Variants in ZNF106 observed in about 807,000 individuals in gnomAD.
The protein encoded by ZNF106 is zinc finger protein 106.
ZNF106 carries 67 observed loss-of-function variants against 195.1 expected under a neutral mutation model. That is an observed-to-expected ratio of 0.34 (90% CI 0.28 to 0.42). The LOEUF is 0.42. Ranked by LOEUF, ZNF106 falls within the 10% of genes least tolerant of loss-of-function variation. The probability of loss-of-function intolerance (pLI) is 1.00; values close to 1 mark genes in which losing one functional copy is unlikely to be tolerated. For missense variants in ZNF106, 2,118 were observed against 2,304.5 expected, an observed-to-expected ratio of 0.92 and a Z score of 1.66; for synonymous variants, 784 against 818.6, an observed-to-expected ratio of 0.96 and a Z score of 0.72.
In ZNF106 at chr15:42,457,550, C is replaced by T. The variant is rs973397638; in HGVS notation, c.117-392G>A. ...CTGCACTCAGAAGGCCTGGTGACAG[C>T]GCTTACATTTAATCTTTAGTCTAGA... On this transcript the variant is annotated intron_variant, in intron 3 of 21. Coordinates refer to ENST00000564754, the MANE Select transcript of ZNF106 (RefSeq NM_001366845.3). The T allele has an allele frequency of 1.7e-5, 18 of 1,050,908 alleles. No homozygotes were observed. The South Asian group carries it at 1.7e-4, about 10-fold the overall frequency. 65.1% of individuals were successfully genotyped at this position (1,050,908 alleles called of 1,614,324 possible). A position where few individuals can be genotyped will look rare whatever the true frequency, so the allele number is the denominator to read the frequency against.
chr15:42,456,910 G>A (rs1434139356), intron 4 of ZNF106, 48 bp downstream of exon 4: 1 of 1,510,808 alleles, frequency 6.6e-7, no homozygotes, highest in South Asian at 1.2e-5. Flanking sequence ...TATATTCTCT[G>A]CTGTGTTCTG....
intron 1 of ZNF106, among the ~76,000 whole-genome samples, chr15:42,477,958 A>T (rs2056819162): frequency 6.6e-6 from 1 of 152,026 alleles, no homozygotes; most frequent in African/African-American, 2.4e-5. Context: ...CAATTAACAA[A>T]CCAATATTGA....
chr15:42,490,143 T>C (rs2057114620), intron 1 of ZNF106, among the ~76,000 whole-genome samples: 1 of 151,974 alleles, frequency 6.6e-6, no homozygotes, highest in African/African-American at 2.4e-5. Flanking sequence ...GGCAGGAGAA[T>C]TGCTTGAATC....
At chr15:42,464,664 C>T (rs1192366382) in intron 3 of ZNF106, among the ~76,000 whole-genome samples, 1 of 151,478 alleles carries the variant, frequency 6.6e-6, no homozygotes, top group Non-Finnish European at 1.5e-5. Context: ...GTAGCTGGGA[C>T]TACAGGCACA....
chr15:42,445,507 T>C (rs2055740480), intron 7 of ZNF106, among the ~76,000 whole-genome samples: 1 of 152,240 alleles, frequency 6.6e-6, no homozygotes, highest in Non-Finnish European at 1.5e-5. Flanking sequence ...TCTGTGTATG[T>C]ATTTACCATC....
intron 17 of ZNF106, among the ~76,000 whole-genome samples, chr15:42,423,794 G>T (rs905864808): frequency 5.3e-5 from 8 of 152,144 alleles, no homozygotes; most frequent in African/African-American, 1.9e-4. Flanking sequence ...CTTACATAAA[G>T]CCTGTCTGTC....
chr15:42,456,825 G>A (rs16973261), intron 4 of ZNF106, 133 bp downstream of exon 4: 54,664 of 817,078 alleles, frequency 0.067, 6,506 homozygotes, highest in African/African-American at 0.39. Context: ...CCTTTGATTA[G>A]TAAGACAACA....
chr15:42,447,372 AAAATAAAT>A (rs891702679), intron 6 of ZNF106, among the ~76,000 whole-genome samples: 3 of 151,940 alleles, frequency 2.0e-5, no homozygotes, highest in Admixed American at 1.3e-4. Flanking sequence ...AAAATATTAT[AAAATAAAT>A]AAATAAATAA....
At chr15:42,468,861 T>C (rs995264172) in intron 2 of ZNF106, among the ~76,000 whole-genome samples, 1 of 152,000 alleles carries the variant, frequency 6.6e-6, no homozygotes, top group Non-Finnish European at 1.5e-5. Flanking sequence ...TAAGACAAGT[T>C]AGTGACAGAA....
rs200060472 is a variant in ZNF106, at chr15:42,451,131, G to T, written c.1141C>A (p.Leu381Met). The part of the protein sequence containing the change: ...RWTPYPSQKT[L>M]DLQSGLKDIT... The stretch of plus-strand genomic sequence containing the variant: ...TCTTTCAATCCCGACTGTAAATCCA[G>T]AGTCTTCTGAGAAGGGTAAGGCGTC... The change falls in exon 5 of 22, where the codon CTG becomes ATG. Residue 381 changes from leucine (L) to methionine (M), a missense_variant. Leu to Met is a conservative substitution (Grantham distance 15). Transcript: ENST00000564754. 4.3e-6 allele frequency: 7 copies of T among 1,614,180 alleles called. No individual in the cohort carries two copies. The highest frequency in any genetic ancestry group is 1.7e-5 in the Admixed American group (1 of 60,008).
intron 15 of ZNF106, chr15:42,425,884 C>T (rs763639843): frequency 1.3e-5 from 2 of 152,232 alleles, no homozygotes; most frequent in Non-Finnish European, 2.9e-5. Context: ...CTAATTATAT[C>T]AGAGTGGTAG....
chr15:42,439,515 G>A lies in ZNF106; in HGVS notation c.4062C>T (p.Asp1354=), dbSNP rs2055417959. Reference sequence around the variant, plus strand: ...TGGATTCTGCCTGTTGTTCAGGCTGGTCAGCTGGAGAGTGGGGTTCCTTCT... The same window carrying A: ...TGGATTCTGCCTGTTGTTCAGGCTGATCAGCTGGAGAGTGGGGTTCCTTCT... ...PLEKEPHSPA[D]QPEQQAESTL... Residue 1354 remains aspartate (D), a synonymous_variant, in exon 11 of 22, where the codon GAC becomes GAT. Transcript: ENST00000564754. The A allele has an allele frequency of 1.9e-6, 3 of 1,614,078 alleles. No individual in the cohort carries two copies. The highest frequency in any genetic ancestry group is 2.5e-6 in the Non-Finnish European group (3 of 1,180,056).
chr15:42,465,567 G>A (rs759808120), intron 3 of ZNF106, among the ~76,000 whole-genome samples: 10 of 152,176 alleles, frequency 6.6e-5, no homozygotes, highest in Non-Finnish European at 1.0e-4. Flanking sequence ...GTGAGCCACT[G>A]CACCTGGCCA....
intron 16 of ZNF106, chr15:42,424,606 C>A: frequency 2.2e-6 from 1 of 457,730 alleles, no homozygotes; most frequent in Non-Finnish European, 3.9e-6. Flanking sequence ...CCACCTCAGC[C>A]TCATAAGTAG....
intron 18 of ZNF106, 118 bp from the exon 19 acceptor site, chr15:42,422,106 C>A: frequency 1.4e-6 from 1 of 707,444 alleles, no homozygotes. Context: ...GTGGAAGCAC[C>A]AGTAGCATTC....
At chr15:42,446,092 T>TTGG (rs2055758629) in intron 7 of ZNF106, among the ~76,000 whole-genome samples, 1 of 152,178 alleles carries the variant, frequency 6.6e-6, no homozygotes, top group East Asian at 1.9e-4. Flanking sequence ...AGTGGTATAC[T>TTGG]AACCTTGGCT....
chr15:42,418,186 C>A (rs527409579), intron 20 of ZNF106, among the ~76,000 whole-genome samples: 2 of 152,130 alleles, frequency 1.3e-5, no homozygotes, highest in African/African-American at 4.8e-5. Context: ...ACAGCACTAA[C>A]GTAGCAATTA....
At position 42,479,281 on chromosome 15, in the gene ZNF106, G is replaced by A. The variant is rs992760962; in HGVS notation, c.-32-6960C>T. ...CCCAGCTATTTGGGAGGTTGAGGCAGGAGAATCGCTTGAACCCAGGAGGCA... is the reference window on the plus strand; with the variant it reads ...CCCAGCTATTTGGGAGGTTGAGGCAAGAGAATCGCTTGAACCCAGGAGGCA... On this transcript the variant is annotated intron_variant, in intron 1 of 21. Transcript: ENST00000564754. Among the ~76,000 whole-genome samples, 4 of 152,106 alleles carry A rather than the reference G, an allele frequency of 2.6e-5. No individual in the cohort carries two copies. In the East Asian group the frequency reaches 7.7e-4, roughly 29 times the overall value.
At position 42,421,903 on chromosome 15, in the gene ZNF106, CAAAT is replaced by C. The variant is rs570467222; in HGVS notation, c.5445+10_5445+13del. 288 of 1,528,608 alleles carry C rather than the reference CAAAT, an allele frequency of 1.9e-4. No individual in the cohort carries two copies. In the African/African-American group the frequency reaches 3.6e-3, roughly 19 times the overall value. 94.7% of individuals were successfully genotyped at this position (1,528,608 alleles called of 1,614,324 possible). On this transcript the variant is annotated intron_variant, in intron 19 of 21. Coordinates refer to ENST00000564754, the MANE Select transcript of ZNF106 (RefSeq NM_001366845.3). ...ATTCAAAAGCAAATATCTTACATGA[CAAAT>C]AACACTCACCATGCTTTTATGGATG...
Sources: gnomAD v4.1 joint callset for allele counts (sites outside exome capture counted in the v4.1 genomes callset) on GRCh38, gnomAD v4.1.1 for gene constraint, MANE v1.5 for transcripts, NCBI Gene and HGNC (gene_info 2026-07-23, HGNC 2026-07-21) for gene names.